The following ACAD9 variants were observed in gnomAD, a reference collection of about 807,000 sequenced individuals.
ACAD9 encodes the protein complex I assembly factor ACAD9, mitochondrial.
In ACAD9, 53 loss-of-function variants were observed where a neutral mutation model predicts 70.2. The observed-to-expected ratio is 0.75, with a 90% CI of 0.61 to 0.95. ACAD9 has a LOEUF of 0.95. Ranked by LOEUF, ACAD9 falls within the 40% of genes least tolerant of loss-of-function variation. The pLI is 0.00. For missense variants in ACAD9, 777 were observed against 802.8 expected (o/e 0.97, Z 0.39); for synonymous variants, 313 against 312.1 (o/e 1.00, Z -0.03).
Position 128,910,813 on chromosome 3 carries a change from T to TGTGA in ACAD9, c.1765+4_1765+7dup. ...CTTCAGCCTCTCTCAGCTGGACAAG[T>TGTGA]GTGAGTGGCATGTCTTGGGGGAGGG... On this transcript the variant is annotated frameshift_variant and splice_region_variant. Coordinates refer to ENST00000308982, the MANE Select transcript of ACAD9 (RefSeq NM_014049.5). LOFTEE classifies it high-confidence loss of function. 3 of 1,614,148 alleles carry TGTGA rather than the reference T, an allele frequency of 1.9e-6. No individual in the cohort carries two copies. Among genetic ancestry groups the TGTGA allele is most frequent in the Non-Finnish European group, 2.5e-6 (3 of 1,180,012 alleles).
chr3:128,881,722 C>T (rs889397544), intron 1 of ACAD9, among the ~76,000 whole-genome samples: 2 of 152,194 alleles, frequency 1.3e-5, no homozygotes, highest in Admixed American at 6.5e-5. Flanking sequence ...ACCCTGTTGA[C>T]GCACTTTCGT....
chr3:128,901,251 A>C, intron 7 of ACAD9, 25 bp from the exon 8 acceptor site: 1 of 1,611,230 alleles, frequency 6.2e-7, no homozygotes, highest in Non-Finnish European at 8.5e-7. Flanking sequence ...TTGTCAGATG[A>C]TATCTTAAAT....
At chr3:128,889,076 T>C (rs1344255740) in intron 2 of ACAD9, among the ~76,000 whole-genome samples, 1 of 152,098 alleles carries the variant, frequency 6.6e-6, no homozygotes, top group Non-Finnish European at 1.5e-5. Flanking sequence ...TGTGTTCATA[T>C]ACACAAATAC....
rs566457278 is a variant in ACAD9, at chr3:128,912,813, G to A, written c.*206G>A. 1.4e-6 allele frequency: 1 copy of A among 720,474 alleles called. No homozygotes were observed. The highest frequency in any genetic ancestry group is 1.7e-5 in the Admixed American group (1 of 57,478). The allele number at this position is 720,474 out of a possible 1,614,324, so 44.6% of individuals were successfully genotyped here. A position where few individuals can be genotyped will look rare whatever the true frequency, so the allele number is the denominator to read the frequency against. The stretch of plus-strand genomic sequence containing the variant: ...AGTGCTCTCTAACAGGACCATCACA[G>A]CTTCTGAACTGAGCCGGAGAGAGAG... On this transcript the variant is annotated 3_prime_UTR_variant, in exon 18 of 18. Transcript: ENST00000308982.
rs1178741568 is a variant in ACAD9 at position 128,901,304 on chromosome 3, G to C, written c.837G>C (p.Lys279Asn). 2 of 1,614,024 alleles carry C rather than the reference G, an allele frequency of 1.2e-6. No individual in the cohort carries two copies. The highest frequency in any genetic ancestry group is 1.7e-6 in the Non-Finnish European group (2 of 1,180,008). ...GTGAAGTCCATTTTGAAAACACCAA[G>C]ATACCTGTGGAAAACATCCTTGGAG... ...NTCEVHFENTKIPVENILGEV... is the reference protein window; with the variant it reads ...NTCEVHFENTNIPVENILGEV... Residue 279 changes from lysine (K) to asparagine (N), a missense_variant, in exon 8 of 18, where the codon AAG becomes AAC. Lys to Asn is a moderately conservative substitution (Grantham distance 94, BLOSUM62 0). Coordinates refer to ENST00000308982, the MANE Select transcript of ACAD9 (RefSeq NM_014049.5).
chr3:128,912,566 C>T lies in ACAD9; in HGVS notation c.1825C>T (p.Arg609Ter), dbSNP rs778786636. Residue 609 changes from arginine (R) to a stop codon, truncating the protein, a stop_gained, in exon 18 of 18, where the codon CGA becomes TGA. Coordinates refer to ENST00000308982, the MANE Select transcript of ACAD9 (RefSeq NM_014049.5). LOFTEE classifies it high-confidence loss of function. ...AGTGTCCCAGCAGATCCTTGAGAAG[C>T]GAGCCTATATCTGTGCCCACCCTCT... is the stretch of plus-strand genomic sequence containing the variant. ...KKVSQQILEK[R>*]AYICAHPLDR... 4.3e-6 allele frequency: 7 copies of T among 1,613,984 alleles called. No individual in the cohort carries two copies. The highest frequency in any genetic ancestry group is 1.3e-5 in the African/African-American group (1 of 74,904).
At chr3:128,896,335 G>C (rs1021278750) in intron 4 of ACAD9, 101 bp from the exon 5 acceptor site, 2 of 1,264,918 alleles carry the variant, frequency 1.6e-6, no homozygotes, top group Non-Finnish European at 2.3e-6. Context: ...GTCTTCTCTT[G>C]CCCGAAGTAA....
intron 9 of ACAD9, among the ~76,000 whole-genome samples, chr3:128,903,037 G>A (rs1935786508): frequency 1.3e-5 from 2 of 152,102 alleles, no homozygotes; most frequent in South Asian, 4.1e-4. Context: ...GGGTGACTCT[G>A]CATGGTGGGT....
Position 128,909,124 on chromosome 3 carries a change from C to A in ACAD9, c.1485+25C>A, listed in dbSNP as rs61300654. 8.3e-4 allele frequency: 1,336 copies of A among 1,613,610 alleles called. 11 individuals carry two copies. In the African/African-American group the frequency reaches 0.016, roughly 20 times the overall value. ...GGTGAGTGGGCCTAACAGGCATACC[C>A]CCTATTTCAATGCCCTCCTGCCAGA... On this transcript the variant is annotated intron_variant, in intron 14 of 17. Coordinates refer to ENST00000308982, the MANE Select transcript of ACAD9 (RefSeq NM_014049.5).
intron 2 of ACAD9, among the ~76,000 whole-genome samples, chr3:128,885,239 G>C (rs1224636536): frequency 6.6e-6 from 1 of 152,242 alleles, no homozygotes; most frequent in Non-Finnish European, 1.5e-5. Flanking sequence ...CTCTCTCAGA[G>C]CTGTTGGCCG....
At chr3:128,891,439 G>A (rs1935418747) in intron 2 of ACAD9, among the ~76,000 whole-genome samples, 1 of 152,096 alleles carries the variant, frequency 6.6e-6, no homozygotes, top group Non-Finnish European at 1.5e-5. Context: ...TGGCCAACAG[G>A]GTGAAACCCC....
intron 16 of ACAD9, 150 bp downstream of exon 16, chr3:128,910,299 T>C: frequency 1.3e-6 from 2 of 1,502,416 alleles, no homozygotes; most frequent in Non-Finnish European, 1.8e-6. Context: ...TCTGTGCTGC[T>C]CAGGAGATGG....
At chr3:128,910,414 C>G (rs1559833626) in intron 16 of ACAD9, 8 of 1,352,958 alleles carry the variant, frequency 5.9e-6, no homozygotes, top group Non-Finnish European at 7.8e-6. Context: ...CTGCACATTG[C>G]CCGCTGTGCT....
chr3:128,898,569 AT>A (rs147931805), intron 6 of ACAD9: 3,709 of 277,698 alleles, frequency 0.013, no homozygotes, highest in South Asian at 0.021. Flanking sequence ...AACTCTTTGT[AT>A]TTTTTTTTTG....
intron 2 of ACAD9, among the ~76,000 whole-genome samples, chr3:128,888,900 T>G (rs1039475218): frequency 9.6e-4 from 30 of 31,156 alleles, no homozygotes; most frequent in African/African-American, 1.4e-3. Flanking sequence ...GTTTGTCAGG[T>G]TTTTTTTTTT....
At chr3:128,908,647 C>G in intron 13 of ACAD9, 1 of 538,310 alleles carries the variant, frequency 1.9e-6, no homozygotes, top group Admixed American at 3.1e-5. Context: ...CCCTCCACCC[C>G]CACCCTAGGG....
intron 2 of ACAD9, among the ~76,000 whole-genome samples, chr3:128,885,038 A>G (rs1205266992): frequency 1.3e-5 from 2 of 152,274 alleles, no homozygotes; most frequent in East Asian, 3.8e-4. Flanking sequence ...TTAGATGGCA[A>G]AAAGCCAAGG....
At chr3:128,912,217 GTGGGCTGGAATCACAGA>G (rs746447827) in intron 17 of ACAD9, among the ~76,000 whole-genome samples, 4 of 152,222 alleles carry the variant, frequency 2.6e-5, no homozygotes, top group Non-Finnish European at 4.4e-5. Flanking sequence ...TTCTCCTCCA[GTGGGCTGGAATCACAGA>G]TGGGCTGTTT....
rs1190173240 is a variant in ACAD9 at position 128,913,102 on chromosome 3, CTG to C, written c.*499_*500del. ...AACAAAGAATATAAAATGTCACAAT[CTG>C]TGTACTGTTAGCCTTTGCTGTACTT... On this transcript the variant is annotated 3_prime_UTR_variant, in exon 18 of 18. Transcript: ENST00000308982. The C allele has an allele frequency of 1.8e-5, 8 of 450,934 alleles. No individual in the cohort carries two copies. 27.9% of individuals were successfully genotyped at this position (450,934 alleles called of 1,614,324 possible).
Sources: allele counts gnomAD v4.1 joint callset (sites outside exome capture counted in the v4.1 genomes callset), GRCh38; gene constraint gnomAD v4.1.1; transcripts MANE v1.5; gene names NCBI Gene and HGNC (gene_info 2026-07-23, HGNC 2026-07-21).